Variants in ZBTB20 observed in about 807,000 individuals in gnomAD.
The protein encoded by ZBTB20 is zinc finger and BTB domain containing 20.
A neutral mutation model predicts 56.9 loss-of-function variants in ZBTB20; 9 were observed. The observed-to-expected ratio is 0.16, with a 90% CI of 0.10 to 0.28. The LOEUF (loss-of-function observed/expected upper bound fraction) is 0.28. ZBTB20 is among the 10% of genes least tolerant of loss of function. The pLI, the probability that ZBTB20 is intolerant of heterozygous loss-of-function variation, is 1.00. For missense variants in ZBTB20, 655 were observed against 1,003.0 expected, an observed-to-expected ratio of 0.65 and a Z score of 4.69; for synonymous variants, 417 against 420.7, an observed-to-expected ratio of 0.99 and a Z score of 0.11.
rs577498808 is a variant in ZBTB20, at chr3:114,717,762, G to A, written c.-342-24187C>T. 6.6e-5 allele frequency among the ~76,000 whole-genome samples: 10 copies of A among 151,858 alleles called. No individual in the cohort carries two copies. In the East Asian group the frequency reaches 1.4e-3, roughly 21 times the overall value. ...ATCTATTCCAATCAGGCTTTTATCCGTTCCACTCTACCATATCTACTGTTG... is the reference window on the plus strand; with the variant it reads ...ATCTATTCCAATCAGGCTTTTATCCATTCCACTCTACCATATCTACTGTTG... On this transcript the variant is annotated intron_variant, in intron 5 of 11. Coordinates refer to ENST00000675478, the MANE Select transcript of ZBTB20 (RefSeq NM_001348800.3).
At chr3:114,859,327 C>T (rs1440932214) in intron 4 of ZBTB20, among the ~76,000 whole-genome samples, 1 of 149,090 alleles carries the variant, frequency 6.7e-6, no homozygotes, top group African/African-American at 2.5e-5. Flanking sequence ...TGCCTTCCTT[C>T]CTTTCTTCTT....
intron 3 of ZBTB20, among the ~76,000 whole-genome samples, chr3:114,969,211 A>AT (rs2077770606): frequency 6.6e-6 from 1 of 152,202 alleles, no homozygotes; most frequent in South Asian, 2.1e-4. Flanking sequence ...CTAGCATTCC[A>AT]TAAATATTCG....
chr3:114,835,155 G>C (rs982548186), intron 4 of ZBTB20, among the ~76,000 whole-genome samples: 1 of 152,116 alleles, frequency 6.6e-6, no homozygotes. Flanking sequence ...AAGGTTTCAG[G>C]AGGGCTTTTG....
chr3:114,725,463 C>T (rs1274226), intron 5 of ZBTB20, among the ~76,000 whole-genome samples: 54,774 of 152,018 alleles, frequency 0.36, 11,799 homozygotes, highest in African/African-American at 0.59. Flanking sequence ...ATTTCCTCCT[C>T]TAAATGCATT....
At chr3:115,019,423 G>C (rs147432964) in intron 2 of ZBTB20, among the ~76,000 whole-genome samples, 1,585 of 151,334 alleles carry the variant, frequency 0.01, 18 homozygotes, top group African/African-American at 0.031. Flanking sequence ...AGGGCTCCCT[G>C]AAGAATTTAG....
intron 5 of ZBTB20, among the ~76,000 whole-genome samples, chr3:114,797,300 CTT>C (rs1167869570): frequency 6.6e-6 from 1 of 151,732 alleles, no homozygotes; most frequent in Admixed American, 6.6e-5. Context: ...GCAACCCACA[CTT>C]TGGAAAACTG....
At chr3:115,127,650 C>T (rs892724381) in intron 1 of ZBTB20, among the ~76,000 whole-genome samples, 2 of 151,476 alleles carry the variant, frequency 1.3e-5, no homozygotes, top group African/African-American at 4.8e-5. Context: ...AAAGCAAAAC[C>T]ACCTCCATTG....
intron 3 of ZBTB20, among the ~76,000 whole-genome samples, chr3:114,962,136 G>A (rs945797026): frequency 3.3e-5 from 5 of 151,958 alleles, no homozygotes; most frequent in African/African-American, 1.2e-4. Context: ...CATGCTCCAG[G>A]CTTACTTTCT....
intron 6 of ZBTB20, chr3:114,624,919 T>C (rs1037060152): frequency 2.6e-5 from 4 of 152,644 alleles, no homozygotes; most frequent in African/African-American, 4.8e-5. Context: ...TTCCAGCTCA[T>C]GCTGGACTGT....
intron 4 of ZBTB20, among the ~76,000 whole-genome samples, chr3:114,870,875 C>T (rs1158741735): frequency 6.6e-6 from 1 of 151,842 alleles, no homozygotes; most frequent in Admixed American, 6.6e-5. Flanking sequence ...TTCTTTCCTC[C>T]CTCCTCATTT....
intron 7 of ZBTB20, chr3:114,453,770 T>G (rs2091789996): frequency 6.6e-6 from 1 of 152,100 alleles, no homozygotes. Context: ...TGTACATATA[T>G]GTATATATTG....
chr3:114,450,930 G>T (rs1400184509), intron 7 of ZBTB20, among the ~76,000 whole-genome samples: 1 of 152,058 alleles, frequency 6.6e-6, no homozygotes, highest in Admixed American at 6.6e-5. Flanking sequence ...GGTTTTTAAA[G>T]TATGAATTGC....
intron 4 of ZBTB20, among the ~76,000 whole-genome samples, chr3:114,831,809 C>A (rs1043130703): frequency 6.6e-6 from 1 of 152,014 alleles, no homozygotes; most frequent in African/African-American, 2.4e-5. Context: ...GATGAAAGAT[C>A]TTGGACTTTA....
At chr3:114,788,638 TC>T (rs979427713) in intron 5 of ZBTB20, among the ~76,000 whole-genome samples, 12 of 152,192 alleles carry the variant, frequency 7.9e-5, no homozygotes, top group African/African-American at 2.9e-4. Flanking sequence ...ACCAGTTTTT[TC>T]CTCACTAGTC....
chr3:114,790,709 T>G (rs866719032), intron 5 of ZBTB20, among the ~76,000 whole-genome samples: 1 of 151,700 alleles, frequency 6.6e-6, no homozygotes, highest in South Asian at 2.1e-4. Flanking sequence ...AGAAAATCAG[T>G]GAGGTACTCC....
At chr3:115,115,636 C>G (rs566022220) in intron 1 of ZBTB20, among the ~76,000 whole-genome samples, 2 of 152,128 alleles carry the variant, frequency 1.3e-5, no homozygotes, top group African/African-American at 4.8e-5. Flanking sequence ...TATTATTTTT[C>G]ACACATTATT....
chr3:114,375,151 G>A lies in ZBTB20; in HGVS notation c.199+5066C>T, dbSNP rs540559495. Among the ~76,000 whole-genome samples, 4 of 152,332 alleles carry A rather than the reference G, an allele frequency of 2.6e-5. No homozygotes were observed. In the South Asian group the frequency reaches 8.3e-4, roughly 32 times the overall value. The stretch of plus-strand genomic sequence containing the variant: ...AGACAGAATGAACGGATAGCACGAG[G>A]TTCTTCATTGAGCGTGTCTGCCTTA... On this transcript the variant is annotated intron_variant, in intron 10 of 11. Transcript: ENST00000675478.
At chr3:114,841,351 G>A (rs1023465583) in intron 4 of ZBTB20, among the ~76,000 whole-genome samples, 3 of 152,106 alleles carry the variant, frequency 2.0e-5, no homozygotes, top group East Asian at 3.9e-4. Context: ...AAATGAGAGT[G>A]AGCATGGTGC....
At chr3:115,109,328 T>C (rs1157600481) in intron 1 of ZBTB20, among the ~76,000 whole-genome samples, 3 of 152,184 alleles carry the variant, frequency 2.0e-5, no homozygotes, top group Non-Finnish European at 4.4e-5. Flanking sequence ...TTGCCATAGA[T>C]GTTTGTCAAG....
Sources: gnomAD v4.1 joint callset for allele counts (sites outside exome capture counted in the v4.1 genomes callset) on GRCh38, gnomAD v4.1.1 for gene constraint, MANE v1.5 for transcripts, NCBI Gene and HGNC (gene_info 2026-07-23, HGNC 2026-07-21) for gene names.